Variants in NBEAL2 observed in about 807,000 individuals in gnomAD.
The protein encoded by NBEAL2 is neurobeachin like 2.
Under a neutral mutation model 299.8 loss-of-function variants are expected in NBEAL2, and 160 were observed. That is an observed-to-expected ratio of 0.53 (90% confidence interval 0.47 to 0.61). The LOEUF (loss-of-function observed/expected upper bound fraction) is 0.61. Ranked by LOEUF, NBEAL2 falls within the 20% of genes least tolerant of loss-of-function variation. NBEAL2 has a pLI of 0.00. For synonymous variants in NBEAL2, 1,493 were observed against 1,542.3 expected (o/e 0.97, Z 0.75); for missense variants, 3,112 against 3,649.0 (o/e 0.85, Z 3.79).
chr3:46,995,632 A>G lies in NBEAL2; in HGVS notation c.1897A>G (p.Ser633Gly), dbSNP rs760260162. The change falls in exon 13 of 54, where the codon AGC becomes GGC. Residue 633 changes from serine to glycine, a missense_variant and splice_region_variant. Ser to Gly is a moderately conservative substitution (Grantham distance 56). Coordinates refer to ENST00000450053, the MANE Select transcript of NBEAL2 (RefSeq NM_015175.3). ...TRPLQRKQLY[S>G]FFTSSGSGFE... Reference sequence around the variant, plus strand: ...ACCACTCCAGCGAAAGCAGCTGTACAGGTGGGTGACTGCCAGGGGCCAGGG... The same window carrying G: ...ACCACTCCAGCGAAAGCAGCTGTACGGGTGGGTGACTGCCAGGGGCCAGGG... 15 of 1,609,984 alleles carry G rather than the reference A, an allele frequency of 9.3e-6. No individual in the cohort carries two copies. Among genetic ancestry groups the G allele is most frequent in the Non-Finnish European group, 1.2e-5 (14 of 1,177,520 alleles).
Position 47,006,166 on chromosome 3 carries a change from G to A in NBEAL2, c.6921G>A (p.Gly2307=), listed in dbSNP as rs574415097. ...TGACTGCTCTGCCTGCCTTCCCAGGGGCTGTAGACCTGGACCATGTGACAG... is the reference window on the plus strand; with the variant it reads ...TGACTGCTCTGCCTGCCTTCCCAGGAGCTGTAGACCTGGACCATGTGACAG... ...LNVFYYCTYE[G]AVDLDHVTDE... The change falls in exon 44 of 54, where the codon GGG becomes GGA. Residue 2307 remains glycine (G), a splice_region_variant and synonymous_variant. Coordinates refer to ENST00000450053, the MANE Select transcript of NBEAL2 (RefSeq NM_015175.3). 6.2e-7 allele frequency: 1 copy of A among 1,613,882 alleles called. No individual in the cohort carries two copies. The highest frequency in any genetic ancestry group is 1.7e-5 in the Admixed American group (1 of 60,024).
chr3:46,989,217 CG>C lies in NBEAL2; in HGVS notation c.352-41del. 1 of 1,612,648 alleles carries C rather than the reference CG, an allele frequency of 6.2e-7. No individual in the cohort carries two copies. Among genetic ancestry groups the C allele is most frequent in the Non-Finnish European group, 8.5e-7 (1 of 1,179,252 alleles). ...CAGAGGGTGTATGCAGGGAGGCAGG[CG>C]GTAGCCATGGCGGGGCTAACCCTCT... On this transcript the variant is annotated intron_variant, in intron 4 of 53. Transcript: ENST00000450053. This position sits in a 1 kb window ranked among gnomAD's most constrained non-coding sequence, Gnocchi z 5.5.
intron 6 of NBEAL2, among the ~76,000 whole-genome samples, chr3:46,990,877 CTA>C (rs1229881871): frequency 6.6e-6 from 1 of 152,194 alleles, no homozygotes; most frequent in Admixed American, 6.5e-5. Context: ...ATCTGAGAAA[CTA>C]AGCCCTGGTC....
Position 47,004,694 on chromosome 3 carries a change from G to C in NBEAL2, c.6294+104G>C. Reference sequence around the variant, plus strand: ...GCCAGTGGGCCAAGCTCTGAGCTTGGTCAAGGGTAGATGTGCCAATGAAGA... The same window carrying C: ...GCCAGTGGGCCAAGCTCTGAGCTTGCTCAAGGGTAGATGTGCCAATGAAGA... On this transcript the variant is annotated intron_variant, in intron 38 of 53. Coordinates refer to ENST00000450053, the MANE Select transcript of NBEAL2 (RefSeq NM_015175.3). This position sits in a 1 kb window ranked among gnomAD's most constrained non-coding sequence, Gnocchi z 5.0. The C allele has an allele frequency of 7.9e-7, 1 of 1,266,432 alleles. No homozygotes were observed. The highest frequency in any genetic ancestry group is 1.1e-6 in the Non-Finnish European group (1 of 877,080). 78.4% of individuals were successfully genotyped at this position (1,266,432 alleles called of 1,614,324 possible).
rs974778734 is a variant in NBEAL2 at position 46,997,994 on chromosome 3, A to G, written c.2959-73A>G. 6.8e-6 allele frequency: 10 copies of G among 1,470,470 alleles called. No homozygotes were observed. In the African/African-American group the frequency reaches 1.4e-4, roughly 21 times the overall value. 91.1% of individuals were successfully genotyped at this position (1,470,470 alleles called of 1,614,324 possible). On this transcript the variant is annotated intron_variant, in intron 20 of 53. Coordinates refer to ENST00000450053, the MANE Select transcript of NBEAL2 (RefSeq NM_015175.3). ...TGGCCGTCATGGCTGTGCAGGGAAG[A>G]GTGGCAGCTGAAAAGCTCAGACAGC...
chr3:47,007,960 C>T, intron 49 of NBEAL2, 50 bp downstream of exon 49: 1 of 1,582,464 alleles, frequency 6.3e-7, no homozygotes, highest in Non-Finnish European at 8.6e-7. Context: ...AGACCTGCAG[C>T]CCATCCGTCC....
rs1488320642 is a variant in NBEAL2, at chr3:47,006,252, A to G, written c.7007A>G (p.Gln2336Arg). 1 of 1,613,702 alleles carries G rather than the reference A, an allele frequency of 6.2e-7. No homozygotes were observed. The highest frequency in any genetic ancestry group is 1.1e-5 in the South Asian group (1 of 91,044). The change falls in exon 44 of 54, where the codon CAG (glutamine) becomes CGG (arginine). Residue 2336 changes from glutamine to arginine, a missense_variant. By Grantham distance (43) the Gln-to-Arg change is conservative. Transcript: ENST00000450053. ...AGCAACTTTGGGCAGACTCCCTGTC[A>G]GCTGCTGAAGGTAAGGCCAGCTTAG... ...IISNFGQTPC[Q>R]LLKEPHPTRL...
chr3:46,993,702 T>A (rs1409085241), intron 10 of NBEAL2, among the ~76,000 whole-genome samples: 1 of 152,114 alleles, frequency 6.6e-6, no homozygotes, highest in African/African-American at 2.4e-5. Flanking sequence ...AGTGAGGCCC[T>A]TCCCAGCCTT....
At chr3:46,997,875 C>T (rs898215186) in intron 20 of NBEAL2, among the ~76,000 whole-genome samples, 181 bp downstream of exon 20, 1 of 152,184 alleles carries the variant, frequency 6.6e-6, no homozygotes, top group Non-Finnish European at 1.5e-5. Context: ...CAGCACAGGT[C>T]GGGGCAGGGA....
chr3:47,006,303 C>T (rs2037439545), intron 44 of NBEAL2, 30 bp from the exon 45 acceptor site: 2 of 1,604,388 alleles, frequency 1.2e-6, no homozygotes, highest in South Asian at 2.2e-5. Context: ...GATGCCCATG[C>T]CATGGTGCTG....
rs376357238 is a variant in NBEAL2 at position 47,009,057 on chromosome 3, G to A, written c.8096G>A (p.Arg2699His). 176 of 1,601,922 alleles carry A rather than the reference G, an allele frequency of 1.1e-4. No homozygotes were observed. The highest frequency in any genetic ancestry group is 1.5e-4 in the Non-Finnish European group (173 of 1,179,738). The change falls in exon 53 of 54, where the codon CGC becomes CAC. Residue 2699 changes from arginine (R) to histidine (H), a missense_variant. Physicochemically the swap from Arg to His is conservative, Grantham distance 29. Coordinates refer to ENST00000450053, the MANE Select transcript of NBEAL2 (RefSeq NM_015175.3). ...CGCAGCGTGGCCGTGACCAAGGAGCGCAGCCACGTGCTGGTGGGCCTGGAG... is the reference window on the plus strand; with the variant it reads ...CGCAGCGTGGCCGTGACCAAGGAGCACAGCCACGTGCTGGTGGGCCTGGAG... ...AIRSVAVTKE[R>H]SHVLVGLEDG...
rs1260644901 is a variant in NBEAL2 at position 46,989,473 on chromosome 3, G to A, written c.474-38G>A. The A allele has an allele frequency of 1.9e-6, 3 of 1,569,926 alleles. No individual in the cohort carries two copies. Among genetic ancestry groups the A allele is most frequent in the Middle Eastern group, 1.7e-4 (1 of 6,034 alleles). On this transcript the variant is annotated intron_variant, in intron 5 of 53. Coordinates refer to ENST00000450053, the MANE Select transcript of NBEAL2 (RefSeq NM_015175.3). This position sits in a 1 kb window ranked among gnomAD's most constrained non-coding sequence, Gnocchi z 5.5. ...AGGAGGGGTGACGGCCAGGAGTGGT[G>A]AGAGCCGGGCTGATGTACTTGGCCT...
chr3:46,995,266 C>T lies in NBEAL2; in HGVS notation c.1531C>T (p.Arg511Cys), dbSNP rs11720139. The T allele has an allele frequency of 2.7e-4, 425 of 1,559,732 alleles. 2 individuals carry two copies. Among genetic ancestry groups the T allele is most frequent in the African/African-American group, 7.9e-4 (58 of 73,498 alleles). The change falls in exon 13 of 54, where the codon CGC (arginine) becomes TGC (cysteine). Residue 511 changes from arginine (R) to cysteine (C), a missense_variant. By Grantham distance (180) the Arg-to-Cys change is radical (BLOSUM62 -3). Coordinates refer to ENST00000450053, the MANE Select transcript of NBEAL2 (RefSeq NM_015175.3). ...CAGCACAGGGCTAGCCCTGGAGGCC[C>T]GCTGCCAAGAGCAGCTGCTGGCACT... Reference protein sequence around the residue: ...TLSTGLALEARCQEQLLALLQ... With the variant: ...TLSTGLALEACCQEQLLALLQ...
chr3:47,005,741 T>C lies in NBEAL2; in HGVS notation c.6695T>C (p.Phe2232Ser). ...FPDFLENQNG[F>S]DLGCLQLTNE... ...CTGACCCAGTCCTCTGTGCCAGGTT[T>C]TGACCTGGGCTGTCTCCAGCTGACC... is the stretch of plus-strand genomic sequence containing the variant. Residue 2232 changes from phenylalanine (F) to serine (S), a missense_variant, in exon 42 of 54, where the codon TTT becomes TCT. Phe to Ser is a radical substitution (Grantham distance 155, BLOSUM62 -2). Around this residue, in one of 3 missense-constraint regions of NBEAL2, gnomAD observed 521 missense variants for 729.6 expected, o/e 0.71. Coordinates refer to ENST00000450053, the MANE Select transcript of NBEAL2 (RefSeq NM_015175.3). 6.2e-7 allele frequency: 1 copy of C among 1,613,254 alleles called. No individual in the cohort carries two copies. The highest frequency in any genetic ancestry group is 1.3e-5 in the African/African-American group (1 of 75,014).
Position 47,007,726 on chromosome 3 carries a change from T to G in NBEAL2, c.7507+29T>G, listed in dbSNP as rs756278403. 9.3e-6 allele frequency: 15 copies of G among 1,609,192 alleles called. No homozygotes were observed. The Admixed American group carries it at 2.2e-4, about 23-fold the overall frequency. On this transcript the variant is annotated intron_variant, in intron 48 of 53. Transcript: ENST00000450053. The stretch of plus-strand genomic sequence containing the variant: ...TGAACAGCCTTGGAGCTGGGGAGAA[T>G]GAGGCACACAGGTATGGGGCCGGGT...
At chr3:46,980,741 C>A (rs2107235814) in intron 1 of NBEAL2, among the ~76,000 whole-genome samples, 1 of 152,216 alleles carries the variant, frequency 6.6e-6, no homozygotes, top group African/African-American at 2.4e-5. Context: ...AACCTGGTAT[C>A]ACTCACACCG....
chr3:46,999,008 T>G lies in NBEAL2; in HGVS notation c.3434T>G (p.Val1145Gly), dbSNP rs774958980. The change falls in exon 24 of 54, where the codon GTG becomes GGG. Residue 1145 changes from valine (V) to glycine (G), a missense_variant. This residue lies in a region of NBEAL2 where 2,243 missense variants were observed against 2,538.1 expected (regional missense o/e 0.88). Coordinates refer to ENST00000450053, the MANE Select transcript of NBEAL2 (RefSeq NM_015175.3). Reference protein sequence around the residue: ...LLLALLHGSLVQESLAVFLLE... With the variant: ...LLLALLHGSLGQESLAVFLLE... ...CTGGCCCTGCTGCACGGTTCCCTGG[T>G]GCAGGAGTCCTTGGCTGTCTTTCTG... 26 of 1,606,162 alleles carry G rather than the reference T, an allele frequency of 1.6e-5. No homozygotes were observed. In the Admixed American group the frequency reaches 4.4e-4, roughly 27 times the overall value.
At chr3:46,995,004 C>T in intron 12 of NBEAL2, 28 bp from the exon 13 acceptor site, 1 of 1,516,148 alleles carries the variant, frequency 6.6e-7, no homozygotes, top group Non-Finnish European at 8.9e-7. Flanking sequence ...CACAGCTGAC[C>T]AGGGACTGTC....
In NBEAL2 at chr3:46,993,934, A is replaced by C. The variant is rs761662431; in HGVS notation, c.1114-3A>C. Reference sequence around the variant, plus strand: ...TCTCCTGATGGCCCCTCCCCACCCCAAGGTCCTGGACCAAGACACAGACGC... The same window carrying C: ...TCTCCTGATGGCCCCTCCCCACCCCCAGGTCCTGGACCAAGACACAGACGC... On this transcript the variant is annotated splice_polypyrimidine_tract_variant and splice_region_variant and intron_variant, in intron 10 of 53. Transcript: ENST00000450053. 6.2e-7 allele frequency: 1 copy of C among 1,608,636 alleles called. No homozygotes were observed. Among genetic ancestry groups the C allele is most frequent in the Non-Finnish European group, 8.5e-7 (1 of 1,177,872 alleles).
Sources: allele counts gnomAD v4.1 joint callset (sites outside exome capture counted in the v4.1 genomes callset), GRCh38; gene constraint gnomAD v4.1.1; regional missense constraint gnomAD v4.1.1; non-coding constraint Gnocchi (gnomAD v3.1); transcripts MANE v1.5; gene names NCBI Gene and HGNC (gene_info 2026-07-23, HGNC 2026-07-21).